The following WDPCP variants were observed in gnomAD, a reference collection of about 807,000 sequenced individuals.
The protein encoded by WDPCP is WD repeat containing planar cell polarity effector, also known as WD repeat-containing and planar cell polarity effector protein fritz homolog.
In WDPCP, 71 loss-of-function variants were observed where a neutral mutation model predicts 93.1. The observed-to-expected ratio is 0.76, with a 90% CI of 0.63 to 0.93. The LOEUF (loss-of-function observed/expected upper bound fraction) is 0.93. Ranked by LOEUF, WDPCP falls within the 40% of genes least tolerant of loss-of-function variation. The pLI is 0.00. For missense variants in WDPCP, 844 were observed against 887.4 expected (o/e 0.95, Z 0.62); for synonymous variants, 315 against 315.0 (o/e 1.00, Z 0.00).
chr2:63,741,269 C>G (rs544854548), intron 2 of WDPCP, among the ~76,000 whole-genome samples: 5 of 152,120 alleles, frequency 3.3e-5, no homozygotes, highest in African/African-American at 1.2e-4. Context: ...CCATTAAGCA[C>G]TAGCTAGGGA....
At chr2:63,255,413 A>G (rs1444597158) in intron 14 of WDPCP, among the ~76,000 whole-genome samples, 1 of 152,176 alleles carries the variant, frequency 6.6e-6, no homozygotes. Flanking sequence ...TGTTGGAGGT[A>G]GGGCCTCATG....
At chr2:63,571,374 C>A (rs1278852741) in intron 1 of WDPCP, 1 of 460,418 alleles carries the variant, frequency 2.2e-6, no homozygotes, top group South Asian at 1.6e-5. Context: ...CATATACTTA[C>A]CATTTCTGGA....
chr2:63,192,567 A>G (rs1270363640), intron 14 of WDPCP, among the ~76,000 whole-genome samples: 1 of 152,254 alleles, frequency 6.6e-6, no homozygotes, highest in East Asian at 1.9e-4. Context: ...ACTGAGGGTC[A>G]AAGAGGTTAA....
chr2:63,537,987 C>T (rs75858015), intron 1 of WDPCP, among the ~76,000 whole-genome samples: 7,134 of 152,112 alleles, frequency 0.047, 194 homozygotes, highest in South Asian at 0.07. Context: ...GCATAAGTCC[C>T]GCATGGCAAA....
chr2:63,204,976 G>A (rs530212849), intron 14 of WDPCP, among the ~76,000 whole-genome samples: 1 of 151,974 alleles, frequency 6.6e-6, no homozygotes, highest in Non-Finnish European at 1.5e-5. Context: ...ATTAGTTTGA[G>A]GTTGTAGATT....
At chr2:63,263,260 A>G (rs1681800634) in intron 13 of WDPCP, among the ~76,000 whole-genome samples, 1 of 152,224 alleles carries the variant, frequency 6.6e-6, no homozygotes, top group South Asian at 2.1e-4. Flanking sequence ...ACACAATTAA[A>G]TGCTATGATA....
At chr2:63,294,805 A>C (rs985638874) in intron 13 of WDPCP, among the ~76,000 whole-genome samples, 22 of 152,142 alleles carry the variant, frequency 1.4e-4, no homozygotes, top group Non-Finnish European at 3.1e-4. Context: ...CAATGGTTCA[A>C]AATTCCACCT....
chr2:63,368,390 A>G (rs1691106675), intron 12 of WDPCP, among the ~76,000 whole-genome samples: 1 of 151,922 alleles, frequency 6.6e-6, no homozygotes, highest in South Asian at 2.1e-4. Context: ...CAGTGGCACA[A>G]TATCGGCTCA....
At chr2:63,282,827 T>C (rs1180147812) in intron 13 of WDPCP, among the ~76,000 whole-genome samples, 1 of 152,180 alleles carries the variant, frequency 6.6e-6, no homozygotes, top group East Asian at 1.9e-4. Context: ...AATCTACTGA[T>C]ATTCATGTCC....
rs552915682 is a variant in WDPCP at position 63,790,559 on chromosome 2, CTACAGCCCCT to C, written n.308+23053_308+23062del. Among the ~76,000 whole-genome samples the C allele has an allele frequency of 3.5e-4, 54 of 152,294 alleles. 1 individual carries two copies. The East Asian group carries it at 0.01, about 29-fold the overall frequency. ...TGATGCTGAATCCCATAGTATTGGG[CTACAGCCCCT>C]TAAACCTCTTCTGTTCAAGTCGTAT... On this transcript the variant is annotated intron_variant and non_coding_transcript_variant, in intron 2 of 4. Coordinates refer to the WDPCP transcript ENST00000467687.
intron 1 of WDPCP, among the ~76,000 whole-genome samples, chr2:63,826,929 T>G (rs1032849860): frequency 2.0e-5 from 3 of 152,220 alleles, no homozygotes; most frequent in Non-Finnish European, 4.4e-5. Flanking sequence ...TATAGACCAT[T>G]GTCTTTGTCA....
intron 14 of WDPCP, among the ~76,000 whole-genome samples, chr2:63,189,714 A>T (rs1674897189): frequency 6.6e-6 from 1 of 152,212 alleles, no homozygotes; most frequent in African/African-American, 2.4e-5. Context: ...TTCCATTAGA[A>T]GATACATATA....
At chr2:63,377,485 A>T (rs1364341062) in intron 12 of WDPCP, among the ~76,000 whole-genome samples, 53 of 151,244 alleles carry the variant, frequency 3.5e-4, no homozygotes, top group Non-Finnish European at 1.5e-5. Flanking sequence ...ATGTATATGT[A>T]TGTGTATATA....
At chr2:63,439,379 G>GGTGGTT in intron 7 of WDPCP, among the ~76,000 whole-genome samples, 1 of 151,962 alleles carries the variant, frequency 6.6e-6, no homozygotes, top group East Asian at 1.9e-4. Flanking sequence ...ATTGTGTACT[G>GGTGGTT]GTGGTTGTGT....
At position 63,226,796 on chromosome 2, in the gene WDPCP, A is replaced by G. The variant is rs1043099091; in HGVS notation, c.1915+32511T>C. Among the ~76,000 whole-genome samples, 3 of 151,952 alleles carry G rather than the reference A, an allele frequency of 2.0e-5. 1 individual carries two copies. The highest frequency in any genetic ancestry group is 1.5e-5 in the Non-Finnish European group (1 of 67,876). On this transcript the variant is annotated intron_variant, in intron 14 of 17. Coordinates refer to ENST00000272321, the MANE Select transcript of WDPCP (RefSeq NM_015910.7). ...TCTTTTCATATGAATGTACATGTAC[A>G]AACTTGTTTTACTTCTTTCTTGGAA...
chr2:63,241,071 C>G (rs1259533867), intron 14 of WDPCP, among the ~76,000 whole-genome samples: 1 of 152,168 alleles, frequency 6.6e-6, no homozygotes, highest in East Asian at 1.9e-4. Context: ...ATGTCACATT[C>G]TGTGATTGAC....
At chr2:63,527,221 G>GC (rs1158351352) in intron 1 of WDPCP, among the ~76,000 whole-genome samples, 10 of 138,956 alleles carry the variant, frequency 7.2e-5, no homozygotes, top group African/African-American at 2.7e-4. Flanking sequence ...GGGCAGGCAT[G>GC]CTTTTTTTTT....
intron 13 of WDPCP, among the ~76,000 whole-genome samples, chr2:63,269,919 A>T (rs1446548433): frequency 6.6e-6 from 1 of 152,200 alleles, no homozygotes; most frequent in African/African-American, 2.4e-5. Context: ...TATTGATACA[A>T]TCCTCTTTAT....
intron 1 of WDPCP, among the ~76,000 whole-genome samples, chr2:63,572,785 A>G (rs1707629476): frequency 6.6e-6 from 1 of 151,534 alleles, no homozygotes; most frequent in South Asian, 2.1e-4. Flanking sequence ...GCAATATGAG[A>G]AATTTGTAAA....
Sources: allele counts gnomAD v4.1 joint callset (sites outside exome capture counted in the v4.1 genomes callset), GRCh38; gene constraint gnomAD v4.1.1; transcripts MANE v1.5; gene names NCBI Gene and HGNC (gene_info 2026-07-23, HGNC 2026-07-21).